PLXND1: variants seen among roughly 807,000 people sequenced by gnomAD.
PLXND1 encodes plexin D1.
In PLXND1, 54 loss-of-function variants were observed where a neutral mutation model predicts 197.7. The ratio of observed to expected loss-of-function variants is 0.27; its 90% confidence interval spans 0.22 to 0.34. The LOEUF (loss-of-function observed/expected upper bound fraction) is 0.34. Ranked by LOEUF, PLXND1 falls within the 10% of genes least tolerant of loss-of-function variation. The pLI is 1.00. For missense variants in PLXND1, 2,127 were observed against 2,699.2 expected, an observed-to-expected ratio of 0.79 and a Z score of 4.70; for synonymous variants, 1,180 against 1,161.2, an observed-to-expected ratio of 1.02 and a Z score of -0.33.
chr3:129,561,970 C>A, intron 27 of PLXND1, 67 bp from the exon 28 acceptor site: 1 of 1,045,472 alleles, frequency 9.6e-7, no homozygotes. Context: ...AGGTACCGGC[C>A]CAGCCACATA....
chr3:129,599,413 A>C (rs899902978), intron 1 of PLXND1, among the ~76,000 whole-genome samples: 3 of 152,178 alleles, frequency 2.0e-5, no homozygotes, highest in African/African-American at 4.8e-5. Context: ...TGAATCTGGG[A>C]AGTTGGCCCC....
intron 10 of PLXND1, 67 bp from the exon 11 acceptor site, chr3:129,575,629 T>C: frequency 1.5e-6 from 2 of 1,316,820 alleles, no homozygotes; most frequent in Non-Finnish European, 2.1e-6. Context: ...GGGATGGGTG[T>C]CATGGAGGCA....
intron 32 of PLXND1, chr3:129,559,407 G>A: frequency 2.0e-6 from 1 of 509,984 alleles, no homozygotes; most frequent in South Asian, 3.2e-5. Flanking sequence ...CACTCTTCTA[G>A]TTAATTCCCA....
At chr3:129,600,623 T>C (rs2085693860) in intron 1 of PLXND1, among the ~76,000 whole-genome samples, 2 of 151,728 alleles carry the variant, frequency 1.3e-5, no homozygotes, top group Admixed American at 1.3e-4. Context: ...TGTCTCCTGG[T>C]CCAAGCCCTA....
At position 129,571,666 on chromosome 3, in the gene PLXND1, GC is replaced by G; in HGVS notation, c.3245+10del. The G allele has an allele frequency of 6.2e-7, 1 of 1,613,914 alleles. No individual in the cohort carries two copies. Among genetic ancestry groups the G allele is most frequent in the Non-Finnish European group, 8.5e-7 (1 of 1,179,922 alleles). Reference sequence around the variant, plus strand: ...AGAGAGCCTGGGGGAAGGGCGGGGTGCCAGTCTCACCTGACAGGGCTGCGGC... The same window carrying G: ...AGAGAGCCTGGGGGAAGGGCGGGGTGCAGTCTCACCTGACAGGGCTGCGGC... On this transcript the variant is annotated intron_variant, in intron 16 of 35. Coordinates refer to ENST00000324093, the MANE Select transcript of PLXND1 (RefSeq NM_015103.3).
intron 5 of PLXND1, 128 bp from the exon 6 acceptor site, chr3:129,584,690 A>C: frequency 1.2e-6 from 1 of 842,918 alleles, no homozygotes; most frequent in Non-Finnish European, 1.8e-6. Flanking sequence ...AGTGGTGGCC[A>C]GGACTCAGGG....
chr3:129,572,762 G>T lies in PLXND1; in HGVS notation c.2938-14C>A. The T allele has an allele frequency of 6.2e-7, 1 of 1,600,558 alleles. No homozygotes were observed. ...GACCAGGGGCAGCTGTGGGAGGAAG[G>T]CAGGCGTTTGGGCCTCGGGCCAGCC... On this transcript the variant is annotated splice_polypyrimidine_tract_variant and intron_variant, in intron 14 of 35. Coordinates refer to ENST00000324093, the MANE Select transcript of PLXND1 (RefSeq NM_015103.3).
At chr3:129,559,023 A>C (rs2108762293) in intron 32 of PLXND1, 1 of 160,654 alleles carries the variant, frequency 6.2e-6, no homozygotes, top group South Asian at 1.8e-4. Flanking sequence ...CCCCACCCCC[A>C]CCTCAGGCCA....
rs767794921 is a variant in PLXND1 at position 129,566,597 on chromosome 3, G to C, written c.4121C>G (p.Pro1374Arg). 1.2e-6 allele frequency: 2 copies of C among 1,612,514 alleles called. No homozygotes were observed. Among genetic ancestry groups the C allele is most frequent in the South Asian group, 1.1e-5 (1 of 91,054 alleles). Reference sequence around the variant, plus strand: ...GCCCTGGGAGTTGAGGGTCTGGGAGGGCAGCACGTAACGCTCTTCATAAAG... The same window carrying C: ...GCCCTGGGAGTTGAGGGTCTGGGAGCGCAGCACGTAACGCTCTTCATAAAG... Reference protein sequence around the residue: ...SSLYEERYVLPSQTLNSQGSS... With the variant: ...SSLYEERYVLRSQTLNSQGSS... Residue 1374 changes from proline (P) to arginine (R), a missense_variant, in exon 23 of 36, where the codon CCC becomes CGC. By Grantham distance (103) the Pro-to-Arg change is moderately radical. Around this residue, in one of 6 missense-constraint regions of PLXND1, gnomAD observed 532 missense variants for 811.0 expected, o/e 0.66. Coordinates refer to ENST00000324093, the MANE Select transcript of PLXND1 (RefSeq NM_015103.3).
At position 129,558,477 on chromosome 3, in the gene PLXND1, G is replaced by A. The variant is rs1321340868; in HGVS notation, c.5396C>T (p.Ala1799Val). 3.7e-6 allele frequency: 6 copies of A among 1,613,756 alleles called. No individual in the cohort carries two copies. Among genetic ancestry groups the A allele is most frequent in the East Asian group, 2.2e-5 (1 of 44,896 alleles). The change falls in exon 33 of 36, where the codon GCG becomes GTG. Residue 1799 changes from alanine to valine, a missense_variant. Transcript: ENST00000324093. The surrounding 1 kb of genome is among the most constrained non-coding windows in gnomAD (Gnocchi z 4.1). Reference sequence around the variant, plus strand: ...GGAGCAGGCGTCGATGAAGGCCTGCGCGATGACTGAAAGGCAGGCGTCGAT... The same window carrying A: ...GGAGCAGGCGTCGATGAAGGCCTGCACGATGACTGAAAGGCAGGCGTCGAT... ...DHIDACLSVI[A>V]QAFIDACSIS... is the part of the protein sequence containing the mutation.
intron 19 of PLXND1, 195 bp downstream of exon 19, chr3:129,570,591 T>G: frequency 1.6e-6 from 1 of 616,888 alleles, no homozygotes; most frequent in Non-Finnish European, 2.9e-6. Flanking sequence ...ATCACTGACC[T>G]CAAGCAAGTC....
At chr3:129,556,744 T>C (rs2084980256) in intron 34 of PLXND1, 53 bp from the exon 35 acceptor site, 7 of 1,340,682 alleles carry the variant, frequency 5.2e-6, no homozygotes, top group Non-Finnish European at 7.4e-6. Context: ...AAGCTGAGCC[T>C]AGTCCCAGCA....
Position 129,556,621 on chromosome 3 carries a change from G to T in PLXND1, c.5657C>A (p.Pro1886Gln), listed in dbSNP as rs375183136. The T allele has an allele frequency of 1.2e-6, 2 of 1,611,020 alleles. No individual in the cohort carries two copies. The highest frequency in any genetic ancestry group is 1.7e-6 in the Non-Finnish European group (2 of 1,177,692). Residue 1886 changes from proline (P) to glutamine (Q), a missense_variant, in exon 35 of 36, where the codon CCG becomes CAG. This residue lies in a region of PLXND1 where 200 missense variants were observed against 303.3 expected (regional missense o/e 0.66). Transcript: ENST00000324093. Reference sequence around the variant, plus strand: ...GCCTCACCCTGGGGCACTCACCTGCGGCCGATACCTCTTGGCGTACTTATA... The same window carrying T: ...GCCTCACCCTGGGGCACTCACCTGCTGCCGATACCTCTTGGCGTACTTATA... ...EIYKYAKRYR[P>Q]QIMAALEANP...
chr3:129,562,882 G>A lies in PLXND1; in HGVS notation c.4730C>T (p.Thr1577Ile). 6.2e-7 allele frequency: 1 copy of A among 1,611,932 alleles called. No individual in the cohort carries two copies. Among genetic ancestry groups the A allele is most frequent in the East Asian group, 2.2e-5 (1 of 44,778 alleles). The change falls in exon 27 of 36, where the codon ACC becomes ATC. Residue 1577 changes from threonine to isoleucine, a missense_variant. Physicochemically the swap from Thr to Ile is moderately conservative, Grantham distance 89. Around this residue, in one of 6 missense-constraint regions of PLXND1, gnomAD observed 532 missense variants for 811.0 expected, o/e 0.66. Transcript: ENST00000324093. ...CTCCTTGACCTGTGTCAGCGTGTCG[G>A]TGTCCATGGCCCGCACGCTCAGCGA... The part of the protein sequence containing the change: ...MDSLSVRAMD[T>I]DTLTQVKEKI...
chr3:129,598,035 G>A (rs1032721058), intron 1 of PLXND1, among the ~76,000 whole-genome samples: 10 of 152,130 alleles, frequency 6.6e-5, no homozygotes, highest in African/African-American at 1.4e-4. Context: ...GGTCCCTTCC[G>A]GAACCAGATC....
intron 20 of PLXND1, among the ~76,000 whole-genome samples, chr3:129,568,860 T>C (rs1283227380): frequency 6.6e-6 from 1 of 152,170 alleles, no homozygotes; most frequent in East Asian, 1.9e-4. Flanking sequence ...AATTCAATGG[T>C]TTCTAGTATA....
intron 8 of PLXND1, 56 bp downstream of exon 8, chr3:129,583,511 T>C (rs977605504): frequency 8.7e-7 from 1 of 1,144,962 alleles, no homozygotes; most frequent in Non-Finnish European, 1.3e-6. Flanking sequence ...ACATGTGAAT[T>C]TTTTAAAAAA....
chr3:129,561,570 T>C, intron 29 of PLXND1, 76 bp downstream of exon 29: 1 of 1,145,588 alleles, frequency 8.7e-7, no homozygotes, highest in Non-Finnish European at 1.3e-6. Context: ...GAGCCTCAGC[T>C]TCCCCACTGG....
intron 1 of PLXND1, among the ~76,000 whole-genome samples, chr3:129,592,909 C>T (rs1560080288): frequency 6.6e-6 from 1 of 152,028 alleles, no homozygotes; most frequent in Non-Finnish European, 1.5e-5. Flanking sequence ...GAGGGGGACA[C>T]GGGACTCGGG....
Sources: allele counts gnomAD v4.1 joint callset (sites outside exome capture counted in the v4.1 genomes callset), GRCh38; gene constraint gnomAD v4.1.1; regional missense constraint gnomAD v4.1.1; non-coding constraint Gnocchi (gnomAD v3.1); transcripts MANE v1.5; gene names NCBI Gene and HGNC (gene_info 2026-07-23, HGNC 2026-07-21).